The following PRR11 variants were observed in gnomAD, a reference collection of about 807,000 sequenced individuals.
The protein encoded by PRR11 is proline-rich protein 11.
A neutral mutation model predicts 45.6 loss-of-function variants in PRR11; 30 were observed. The ratio of observed to expected loss-of-function variants is 0.66; its 90% confidence interval spans 0.49 to 0.89. The LOEUF (loss-of-function observed/expected upper bound fraction) is 0.89. Among genes scored for constraint, PRR11 ranks in the 40% least tolerant of loss-of-function variants. PRR11 has a pLI of 0.00. For synonymous variants in PRR11, 128 were observed against 153.5 expected, an observed-to-expected ratio of 0.83 and a Z score of 1.23; for missense variants, 373 against 424.8, an observed-to-expected ratio of 0.88 and a Z score of 1.07.
At chr17:59,169,976 G>A (rs367792368) in intron 2 of PRR11, 96 bp downstream of exon 2, 13 of 1,420,130 alleles carry the variant, frequency 9.2e-6, no homozygotes, top group Middle Eastern at 1.9e-4. Flanking sequence ...AGGCAGGCCG[G>A]GTGCAGTCAT....
chr17:59,161,075 G>C (rs2046649127), intron 1 of PRR11, among the ~76,000 whole-genome samples: 1 of 151,884 alleles, frequency 6.6e-6, no homozygotes. Flanking sequence ...TGATTTTTCA[G>C]ATTATTTGAG....
At chr17:59,163,237 C>A (rs1208546677) in intron 1 of PRR11, among the ~76,000 whole-genome samples, 1 of 152,090 alleles carries the variant, frequency 6.6e-6, no homozygotes, top group Non-Finnish European at 1.5e-5. Flanking sequence ...ACTACAGCCA[C>A]ATGCCTGGCT....
chr17:59,173,416 T>C (rs1187737068), intron 2 of PRR11, among the ~76,000 whole-genome samples: 2 of 152,208 alleles, frequency 1.3e-5, no homozygotes, highest in Admixed American at 6.5e-5. Context: ...GGTCACTCTT[T>C]GGGTCCGCAC....
intron 1 of PRR11, among the ~76,000 whole-genome samples, chr17:59,168,450 G>A (rs568106762): frequency 5.9e-5 from 9 of 152,196 alleles, no homozygotes; most frequent in African/African-American, 1.2e-4. Flanking sequence ...GATTACAGAC[G>A]TGAGCCACCA....
intron 2 of PRR11, chr17:59,181,773 G>A (rs1475627598): frequency 1.3e-6 from 2 of 1,553,652 alleles, no homozygotes; most frequent in Admixed American, 1.7e-5. Flanking sequence ...AGGCCACCAT[G>A]TAATGCTTCT....
chr17:59,172,863 A>C (rs1599694815), intron 2 of PRR11, among the ~76,000 whole-genome samples: 1 of 152,206 alleles, frequency 6.6e-6, no homozygotes, highest in African/African-American at 2.4e-5. Flanking sequence ...CCCCTGCTCC[A>C]CAGCACCCAT....
At chr17:59,169,911 TAGAG>T (rs1568319032) in intron 2 of PRR11, 31 bp downstream of exon 2, 2 of 1,576,980 alleles carry the variant, frequency 1.3e-6, no homozygotes, top group South Asian at 1.2e-5. Flanking sequence ...GAAAAAATAT[TAGAG>T]AGATCTGATC....
intron 2 of PRR11, among the ~76,000 whole-genome samples, chr17:59,182,415 A>C (rs1159922447): frequency 8.1e-6 from 1 of 123,214 alleles, no homozygotes; most frequent in Non-Finnish European, 1.6e-5. Context: ...TTTTTGAGAC[A>C]GTGTCTCACT....
At chr17:59,163,816 C>T (rs916702434) in intron 1 of PRR11, among the ~76,000 whole-genome samples, 15 of 152,182 alleles carry the variant, frequency 9.9e-5, no homozygotes, top group African/African-American at 3.6e-4. Context: ...CCTGTAATCC[C>T]AGCACTTTGG....
chr17:59,168,034 AT>A (rs1336173194), intron 1 of PRR11, among the ~76,000 whole-genome samples: 1 of 151,894 alleles, frequency 6.6e-6, no homozygotes, highest in Non-Finnish European at 1.5e-5. Flanking sequence ...AAATGTCTCT[AT>A]TTTGTATCCT....
At chr17:59,201,457 A>T in intron 9 of PRR11, 106 bp from the exon 10 acceptor site, 1 of 1,120,894 alleles carries the variant, frequency 8.9e-7, no homozygotes, top group Non-Finnish European at 1.3e-6. Context: ...TTACAATCTG[A>T]ATGCAGTGTT....
chr17:59,194,967 A>T, intron 6 of PRR11, 112 bp downstream of exon 6: 1 of 791,638 alleles, frequency 1.3e-6, no homozygotes, highest in Non-Finnish European at 2.1e-6. Flanking sequence ...TGAGCCCAGG[A>T]GTTCAGGACC....
intron 4 of PRR11, among the ~76,000 whole-genome samples, chr17:59,189,995 T>C (rs1255396508): frequency 6.6e-6 from 1 of 152,118 alleles, no homozygotes; most frequent in Admixed American, 6.6e-5. Flanking sequence ...AGTTTTCTTT[T>C]ATTTTAAAAA....
intron 4 of PRR11, among the ~76,000 whole-genome samples, chr17:59,187,223 A>AAAAAT (rs937680242): frequency 1.8e-4 from 28 of 152,058 alleles, no homozygotes; most frequent in Middle Eastern, 3.4e-3. Context: ...AAAATAAAAT[A>AAAAAT]AAAATAAAAT....
chr17:59,177,522 T>C (rs2046754705), intron 2 of PRR11, among the ~76,000 whole-genome samples: 1 of 152,072 alleles, frequency 6.6e-6, no homozygotes, highest in African/African-American at 2.4e-5. Context: ...CTAGGTCGGC[T>C]GGTATCAGGA....
At chr17:59,181,756 A>G in intron 2 of PRR11, 1 of 1,557,114 alleles carries the variant, frequency 6.4e-7, no homozygotes, top group Admixed American at 1.7e-5. Context: ...GGCTGAGTAA[A>G]GAAACCAGGC....
chr17:59,178,543 G>A, intron 2 of PRR11: 2 of 526,348 alleles, frequency 3.8e-6, no homozygotes, highest in Non-Finnish European at 7.5e-6. Context: ...TGTGATTAGA[G>A]AGTAGATGTC....
intron 1 of PRR11, among the ~76,000 whole-genome samples, chr17:59,161,440 A>C (rs1469210732): frequency 1.3e-5 from 2 of 151,636 alleles, no homozygotes; most frequent in Non-Finnish European, 2.9e-5. Context: ...CATAAAACAA[A>C]AAAAAAAACA....
chr17:59,193,758 A>G, intron 5 of PRR11, 24 bp downstream of exon 5: 2 of 1,605,810 alleles, frequency 1.2e-6, no homozygotes, highest in Non-Finnish European at 1.7e-6. Context: ...TAGTAATGAT[A>G]TGTTTTGATA....
Sources: allele counts gnomAD v4.1 joint callset (sites outside exome capture counted in the v4.1 genomes callset), GRCh38; gene constraint gnomAD v4.1.1; transcripts MANE v1.5; gene names NCBI Gene and HGNC (gene_info 2026-07-23, HGNC 2026-07-21).